Variants in ALKBH3 observed in about 807,000 individuals in gnomAD.
ALKBH3 encodes alkB homolog 3, alpha-ketoglutarate dependent dioxygenase, also known as alpha-ketoglutarate-dependent dioxygenase alkB homolog 3.
Under a neutral mutation model 43.9 loss-of-function variants are expected in ALKBH3, and 51 were observed. The observed-to-expected ratio is 1.16, with a 90% CI of 0.93 to 1.47. The LOEUF (loss-of-function observed/expected upper bound fraction) is 1.47, where lower values mean the gene tolerates loss of function less well. Among genes scored for constraint, ALKBH3 ranks in the 40% most tolerant of loss-of-function variants. The pLI, the probability that ALKBH3 is intolerant of heterozygous loss-of-function variation, is 0.00. For missense variants in ALKBH3, 361 were observed against 351.9 expected (o/e 1.03, Z -0.21); for synonymous variants, 102 against 115.2 (o/e 0.89, Z 0.73).
chr11:43,902,459 A>G (rs1473809516), intron 8 of ALKBH3, among the ~76,000 whole-genome samples: 1 of 152,266 alleles, frequency 6.6e-6, no homozygotes, highest in Non-Finnish European at 1.5e-5. Context: ...ACTAAGAAAG[A>G]TAGTAATGCC....
At chr11:43,905,194 C>T (rs1951887572) in intron 8 of ALKBH3, among the ~76,000 whole-genome samples, 1 of 152,192 alleles carries the variant, frequency 6.6e-6, no homozygotes, top group South Asian at 2.1e-4. Flanking sequence ...TCCACCCTTG[C>T]AGCAGCTGTT....
rs142389561 is a variant in ALKBH3 at position 43,905,714 on chromosome 11, G to A, written c.669+3989G>A. On this transcript the variant is annotated intron_variant, in intron 8 of 9. Coordinates refer to ENST00000302708, the MANE Select transcript of ALKBH3 (RefSeq NM_139178.4). ...AAAGCTTATCAAATATACTTCAGTA[G>A]ACCTTTTTTATTCTATCAGGCTGGC... is the stretch of plus-strand genomic sequence containing the variant. Among the ~76,000 whole-genome samples the A allele has an allele frequency of 3.2e-3, 494 of 152,260 alleles. 3 individuals carry two copies. The highest frequency in any genetic ancestry group is 0.012 in the African/African-American group (484 of 41,534).
intron 8 of ALKBH3, among the ~76,000 whole-genome samples, chr11:43,915,470 A>G (rs1006261217): frequency 1.3e-5 from 2 of 152,172 alleles, no homozygotes; most frequent in African/African-American, 4.8e-5. Context: ...TATATCCTAG[A>G]AATATATGCA....
At chr11:43,911,288 C>T (rs1951936882) in intron 8 of ALKBH3, among the ~76,000 whole-genome samples, 1 of 152,100 alleles carries the variant, frequency 6.6e-6, no homozygotes, top group African/African-American at 2.4e-5. Flanking sequence ...CAGAACTTGC[C>T]AGTAATATGT....
At chr11:43,886,481 CCT>C (rs1170776969) in intron 4 of ALKBH3, 123 bp from the exon 5 acceptor site, 15 of 789,478 alleles carry the variant, frequency 1.9e-5, no homozygotes, top group Non-Finnish European at 2.9e-5. Flanking sequence ...GGGGATTATG[CCT>C]CTCTCATAAC....
At chr11:43,898,918 G>T (rs1590372931) in intron 7 of ALKBH3, 3 of 748,602 alleles carry the variant, frequency 4.0e-6, no homozygotes, top group East Asian at 2.5e-5. Flanking sequence ...GTGCCAGAGG[G>T]TGGACTGGTC....
At chr11:43,915,352 T>C (rs1307844632) in intron 8 of ALKBH3, among the ~76,000 whole-genome samples, 1 of 152,224 alleles carries the variant, frequency 6.6e-6, no homozygotes, top group East Asian at 1.9e-4. Flanking sequence ...CATGTTTTCC[T>C]GGTGAGATTA....
At chr11:43,885,247 C>T (rs2135176362) in intron 4 of ALKBH3, among the ~76,000 whole-genome samples, 1 of 152,268 alleles carries the variant, frequency 6.6e-6, no homozygotes, top group South Asian at 2.1e-4. Context: ...CTAAAGTTAA[C>T]TATGCTAGGT....
chr11:43,881,167 G>A lies in ALKBH3; in HGVS notation c.-83G>A, dbSNP rs1951708181. The A allele has an allele frequency of 5.3e-5, 8 of 152,312 alleles. No homozygotes were observed. Among genetic ancestry groups the A allele is most frequent in the Admixed American group, 5.2e-4 (8 of 15,282 alleles). The allele number at this position is 152,312 out of a possible 1,614,324, so 9.4% of individuals were successfully genotyped here. A position where few individuals can be genotyped will look rare whatever the true frequency, so the allele number is the denominator to read the frequency against. ...CTGCCCTGTTTACTGAGGAAAAACT[G>A]GGGCTCAGAAAGGTGAAGTCATTTG... On this transcript the variant is annotated 5_prime_UTR_variant, in exon 1 of 10. Coordinates refer to ENST00000302708, the MANE Select transcript of ALKBH3 (RefSeq NM_139178.4).
chr11:43,919,977 A>G lies in ALKBH3; in HGVS notation c.828A>G (p.Thr276=). 1 of 1,614,214 alleles carries G rather than the reference A, an allele frequency of 6.2e-7. No individual in the cohort carries two copies. The highest frequency in any genetic ancestry group is 8.5e-7 in the Non-Finnish European group (1 of 1,180,020). Residue 276 remains threonine, a synonymous_variant, in exon 10 of 10, where the codon ACA becomes ACG. Coordinates refer to ENST00000302708, the MANE Select transcript of ALKBH3 (RefSeq NM_139178.4). ...CGAGAGTGAACCTGACCTTTCGGACAGTCTATCCAGACCCTCGAGGGGCAC... is the reference window on the plus strand; with the variant it reads ...CGAGAGTGAACCTGACCTTTCGGACGGTCTATCCAGACCCTCGAGGGGCAC... ...REPRVNLTFR[T]VYPDPRGAPW is the part of the protein sequence containing the mutation.
intron 8 of ALKBH3, chr11:43,912,296 A>G (rs1951946031): frequency 6.6e-6 from 1 of 152,236 alleles, no homozygotes; most frequent in Non-Finnish European, 1.5e-5. Context: ...ATCTTAGCCC[A>G]GGGAGATCCA....
At chr11:43,906,395 A>T (rs1449079893) in intron 8 of ALKBH3, among the ~76,000 whole-genome samples, 1 of 152,208 alleles carries the variant, frequency 6.6e-6, no homozygotes, top group Non-Finnish European at 1.5e-5. Context: ...AAGATACTAA[A>T]TAGTGTAAAT....
chr11:43,900,815 G>A (rs1951858191), intron 7 of ALKBH3, among the ~76,000 whole-genome samples: 1 of 152,178 alleles, frequency 6.6e-6, no homozygotes, highest in Admixed American at 6.5e-5. Flanking sequence ...TGGCAAGACA[G>A]TTCCAAATAT....
chr11:43,901,577 A>T lies in ALKBH3; in HGVS notation c.521A>T (p.Asn174Ile). 2.5e-6 allele frequency: 4 copies of T among 1,614,078 alleles called. No individual in the cohort carries two copies. Among genetic ancestry groups the T allele is most frequent in the Non-Finnish European group, 3.4e-6 (4 of 1,180,016 alleles). The change falls in exon 8 of 10, where the codon AAC (asparagine) becomes ATC (isoleucine). Residue 174 changes from asparagine (N) to isoleucine (I), a missense_variant. Transcript: ENST00000302708. ...RIEENTGHTF[N>I]SLLCNLYRNE... ...GAAGAGAACACTGGCCACACCTTCA[A>T]CTCCTTACTCTGCAATCTTTATCGC...
intron 7 of ALKBH3, among the ~76,000 whole-genome samples, chr11:43,894,316 T>C (rs1320951826): frequency 6.6e-6 from 1 of 152,226 alleles, no homozygotes; most frequent in Non-Finnish European, 1.5e-5. Flanking sequence ...TGAAATCCAC[T>C]GAATAGGTCC....
At chr11:43,897,817 C>G in intron 7 of ALKBH3, 1 of 830,716 alleles carries the variant, frequency 1.2e-6, no homozygotes, top group Non-Finnish European at 2.2e-6. Flanking sequence ...TTTGAACAGT[C>G]TGCAAGTTTA....
chr11:43,892,059 C>T lies in ALKBH3; in HGVS notation c.389C>T (p.Pro130Leu), dbSNP rs777703982. 49 of 1,613,320 alleles carry T rather than the reference C, an allele frequency of 3.0e-5. No homozygotes were observed. Among genetic ancestry groups the T allele is most frequent in the Non-Finnish European group, 4.0e-5 (47 of 1,179,306 alleles). Residue 130 changes from proline to leucine, a missense_variant, in exon 7 of 10, where the codon CCA becomes CTA. Physicochemically the swap from Pro to Leu is moderately conservative, Grantham distance 98 (BLOSUM62 -3). Coordinates refer to ENST00000302708, the MANE Select transcript of ALKBH3 (RefSeq NM_139178.4). The stretch of plus-strand genomic sequence containing the variant: ...TTCTTAGATATAACTTATCAGCAAC[C>T]AAGACTTACAGCATGGTATGGAGAA... ...GIREDITYQQPRLTAWYGELP... is the reference protein window; with the variant it reads ...GIREDITYQQLRLTAWYGELP...
intron 8 of ALKBH3, among the ~76,000 whole-genome samples, chr11:43,918,622 C>G (rs778094087): frequency 6.6e-6 from 1 of 152,192 alleles, no homozygotes; most frequent in Non-Finnish European, 1.5e-5. Flanking sequence ...CTGAGTATGT[C>G]AAAATGTAGA....
chr11:43,903,161 T>C (rs952072098), intron 8 of ALKBH3, among the ~76,000 whole-genome samples: 16 of 152,210 alleles, frequency 1.1e-4, no homozygotes, highest in African/African-American at 3.9e-4. Flanking sequence ...GTTAGGGGAT[T>C]GGTAGTTGCC....
Sources: allele counts gnomAD v4.1 joint callset (sites outside exome capture counted in the v4.1 genomes callset), GRCh38; gene constraint gnomAD v4.1.1; transcripts MANE v1.5; gene names NCBI Gene and HGNC (gene_info 2026-07-23, HGNC 2026-07-21).